PLOD2: variants seen among roughly 807,000 people sequenced by gnomAD.
The protein encoded by PLOD2 is procollagen-lysine,2-oxoglutarate 5-dioxygenase 2.
A neutral mutation model predicts 101.0 loss-of-function variants in PLOD2; 65 were observed. That is an observed-to-expected ratio of 0.64 (90% CI 0.53 to 0.79). The LOEUF (loss-of-function observed/expected upper bound fraction) is 0.79, where lower values mean the gene tolerates loss of function less well. Ranked by LOEUF, PLOD2 falls within the 30% of genes least tolerant of loss-of-function variation. The pLI, the probability that PLOD2 is intolerant of heterozygous loss-of-function variation, is 0.00. For missense variants in PLOD2, 909 were observed against 914.6 expected, an observed-to-expected ratio of 0.99 and a Z score of 0.08; for synonymous variants, 314 against 302.9, an observed-to-expected ratio of 1.04 and a Z score of -0.38.
intron 3 of PLOD2, among the ~76,000 whole-genome samples, chr3:146,119,616 C>T (rs61435456): frequency 0.01 from 1,560 of 152,002 alleles, 34 homozygotes; most frequent in African/African-American, 0.036. Context: ...CAACAGGCCC[C>T]CGTGTGTGAT....
At chr3:146,085,522 G>A in intron 10 of PLOD2, 1 of 518,862 alleles carries the variant, frequency 1.9e-6, no homozygotes, top group Non-Finnish European at 3.4e-6. Flanking sequence ...TTTCAAGCCA[G>A]TAAATATTTT....
At chr3:146,158,005 T>C (rs1441634238) in intron 1 of PLOD2, among the ~76,000 whole-genome samples, 1 of 152,212 alleles carries the variant, frequency 6.6e-6, no homozygotes, top group East Asian at 1.9e-4. Context: ...ACAGAAACAT[T>C]TGAAACCATT....
intron 3 of PLOD2, among the ~76,000 whole-genome samples, chr3:146,114,375 A>G (rs901062495): frequency 6.6e-6 from 1 of 152,252 alleles, no homozygotes; most frequent in Admixed American, 6.5e-5. Flanking sequence ...TATTTCTTAT[A>G]GCAGCGTGAA....
intron 3 of PLOD2, among the ~76,000 whole-genome samples, chr3:146,113,002 G>A (rs1414407861): frequency 6.6e-6 from 1 of 152,032 alleles, no homozygotes; most frequent in Admixed American, 6.6e-5. Flanking sequence ...ATTAAAAAAA[G>A]TTATAAATGC....
chr3:146,113,131 C>T (rs1000030143), intron 3 of PLOD2, among the ~76,000 whole-genome samples: 3 of 152,070 alleles, frequency 2.0e-5, no homozygotes, highest in African/African-American at 7.2e-5. Flanking sequence ...AGAGTTATGG[C>T]AACTTTTATA....
At chr3:146,138,348 A>AC (rs907021453) in intron 1 of PLOD2, among the ~76,000 whole-genome samples, 13 of 151,798 alleles carry the variant, frequency 8.6e-5, no homozygotes, top group African/African-American at 3.1e-4. Context: ...CAAAAAAAAA[A>AC]ACAAACAAAA....
intron 6 of PLOD2, among the ~76,000 whole-genome samples, chr3:146,103,780 ATG>A (rs1937473351): frequency 6.6e-6 from 1 of 151,718 alleles, no homozygotes; most frequent in Non-Finnish European, 1.5e-5. Context: ...ATCAAGATAT[ATG>A]TATCTATAAT....
chr3:146,129,620 T>TTC (rs1015963699), intron 1 of PLOD2, among the ~76,000 whole-genome samples: 13 of 152,276 alleles, frequency 8.5e-5, no homozygotes, highest in Middle Eastern at 3.4e-3. Context: ...TACATATGTG[T>TTC]TAGGCAGCAT....
At chr3:146,085,053 G>C (rs770452901) in intron 11 of PLOD2, 116 bp downstream of exon 11, 66 of 617,462 alleles carry the variant, frequency 1.1e-4, no homozygotes, top group Non-Finnish European at 1.7e-4. Flanking sequence ...TTTATTAGCT[G>C]TAGAACATAA....
At chr3:146,131,306 T>C (rs1292525655) in intron 1 of PLOD2, among the ~76,000 whole-genome samples, 1 of 152,164 alleles carries the variant, frequency 6.6e-6, no homozygotes, top group Non-Finnish European at 1.5e-5. Flanking sequence ...TAGACATGAG[T>C]ACAACCATAT....
At chr3:146,091,188 A>C (rs1033225899) in intron 8 of PLOD2, among the ~76,000 whole-genome samples, 4 of 151,824 alleles carry the variant, frequency 2.6e-5, no homozygotes, top group African/African-American at 9.7e-5. Flanking sequence ...AAAAATGCAC[A>C]GTGTCAAGAA....
chr3:146,102,744 C>A lies in PLOD2; in HGVS notation c.777+11G>T. On this transcript the variant is annotated intron_variant, in intron 7 of 19. Transcript: ENST00000282903. ...CCAAGAATTGGCCAAATAAAAGTAA[C>A]TGTTACTTACCTTGGTGGGTCCATT... is the stretch of plus-strand genomic sequence containing the variant. 7.5e-7 allele frequency: 1 copy of A among 1,338,398 alleles called. No individual in the cohort carries two copies. Among genetic ancestry groups the A allele is most frequent in the South Asian group, 1.2e-5 (1 of 85,550 alleles). The allele number at this position is 1,338,398 out of a possible 1,614,324, so 82.9% of individuals were successfully genotyped here.
rs552616884 is a variant in PLOD2 at position 146,136,595 on chromosome 3, C to A, written c.110-12366G>T. Among the ~76,000 whole-genome samples, 34 of 152,260 alleles carry A rather than the reference C, an allele frequency of 2.2e-4. No homozygotes were observed. The South Asian group carries it at 5.6e-3, about 25-fold the overall frequency. ...TGATGTTCCCATCAATGATGAGCCA[C>A]ATATACAACACTGGTCCCATAATAT... On this transcript the variant is annotated intron_variant, in intron 1 of 19. Coordinates refer to ENST00000282903, the MANE Select transcript of PLOD2 (RefSeq NM_182943.3).
rs1269787248 is a variant in PLOD2, at chr3:146,108,798, T to C, written c.502+1487A>G. On this transcript the variant is annotated intron_variant, in intron 4 of 19. Coordinates refer to ENST00000282903, the MANE Select transcript of PLOD2 (RefSeq NM_182943.3). ...CCACCTGAGTACATACATCACTATT[T>C]GAAATAAATTTACGAGATTTCACTA... Among the ~76,000 whole-genome samples, 3 of 152,296 alleles carry C rather than the reference T, an allele frequency of 2.0e-5. No individual in the cohort carries two copies. The East Asian group carries it at 5.8e-4, about 29-fold the overall frequency.
At chr3:146,126,716 CTATAAA>C (rs1289831073) in intron 1 of PLOD2, among the ~76,000 whole-genome samples, 1 of 152,044 alleles carries the variant, frequency 6.6e-6, no homozygotes, top group African/African-American at 2.4e-5. Flanking sequence ...TTTGTAAAAG[CTATAAA>C]AAAGCATTTG....
chr3:146,096,789 TC>T (rs1287243811), intron 7 of PLOD2, among the ~76,000 whole-genome samples: 123 of 142,728 alleles, frequency 8.6e-4, no homozygotes, highest in African/African-American at 3.1e-3. Context: ...AGCCACCCCG[TC>T]CGGGAGGTGA....
At chr3:146,110,819 T>A (rs1344225525) in intron 3 of PLOD2, among the ~76,000 whole-genome samples, 1 of 152,176 alleles carries the variant, frequency 6.6e-6, no homozygotes, top group African/African-American at 2.4e-5. Flanking sequence ...GAAGTTGCCA[T>A]AACTGCCTAA....
At chr3:146,088,930 G>C in intron 8 of PLOD2, 1 of 523,164 alleles carries the variant, frequency 1.9e-6, no homozygotes, top group Middle Eastern at 5.4e-4. Flanking sequence ...TCTTGGTTAT[G>C]AGTTAGGTTT....
At chr3:146,081,558 AT>A (rs1404389703) in intron 12 of PLOD2, among the ~76,000 whole-genome samples, 179 bp downstream of exon 12, 4 of 152,110 alleles carry the variant, frequency 2.6e-5, no homozygotes, top group East Asian at 1.9e-4. Flanking sequence ...CTTTAAAAAC[AT>A]TTTTTTAAGA....
Sources: allele counts gnomAD v4.1 joint callset (sites outside exome capture counted in the v4.1 genomes callset), GRCh38; gene constraint gnomAD v4.1.1; transcripts MANE v1.5; gene names NCBI Gene and HGNC (gene_info 2026-07-23, HGNC 2026-07-21).